POU6F2: variants seen among roughly 807,000 people sequenced by gnomAD.
The protein encoded by POU6F2 is POU class 6 homeobox 2, also known as POU domain, class 6, transcription factor 2.
POU6F2 carries 31 observed loss-of-function variants against 71.3 expected under a neutral mutation model. The ratio of observed to expected loss-of-function variants is 0.43; its 90% CI spans 0.33 to 0.59. The LOEUF is 0.59. Ranked by LOEUF, POU6F2 falls within the 20% of genes least tolerant of loss-of-function variation. POU6F2 has a pLI of 0.04. For synonymous variants in POU6F2, 347 were observed against 355.7 expected, an observed-to-expected ratio of 0.98 and a Z score of 0.27; for missense variants, 783 against 856.8, an observed-to-expected ratio of 0.91 and a Z score of 1.07.
intron 4 of POU6F2, among the ~76,000 whole-genome samples, chr7:39,327,320 A>G (rs1007144241): frequency 4.0e-5 from 6 of 151,462 alleles, no homozygotes; most frequent in Admixed American, 6.6e-5. Flanking sequence ...ATACCCACTT[A>G]ACACATATTT....
At chr7:39,225,631 AGG>A (rs1794447237) in intron 4 of POU6F2, among the ~76,000 whole-genome samples, 1 of 152,212 alleles carries the variant, frequency 6.6e-6, no homozygotes, top group Non-Finnish European at 1.5e-5. Context: ...GTTCCCATGA[AGG>A]GAAAAATTCC....
intron 5 of POU6F2, among the ~76,000 whole-genome samples, chr7:39,365,452 C>A (rs770731236): frequency 3.2e-4 from 48 of 152,100 alleles, no homozygotes; most frequent in Non-Finnish European, 4.6e-4. Context: ...GATAACATTG[C>A]AAAAACCCTT....
intron 6 of POU6F2, among the ~76,000 whole-genome samples, chr7:39,424,737 C>A (rs1787929561): frequency 6.6e-6 from 1 of 151,476 alleles, no homozygotes; most frequent in Non-Finnish European, 1.5e-5. Flanking sequence ...GAGAACATGG[C>A]AAATCTCATA....
intron 2 of POU6F2, among the ~76,000 whole-genome samples, chr7:39,135,668 T>A (rs538060202): frequency 8.2e-4 from 125 of 151,930 alleles, no homozygotes; most frequent in Admixed American, 2.2e-3. Flanking sequence ...ATAAAGAAAA[T>A]AGAAACTAAG....
chr7:39,230,686 C>G (rs1007310459), intron 4 of POU6F2, among the ~76,000 whole-genome samples: 1 of 152,040 alleles, frequency 6.6e-6, no homozygotes, highest in Non-Finnish European at 1.5e-5. Context: ...AAGGGCCCAA[C>G]AGAAATATCA....
chr7:39,218,667 C>T (rs1423651077), intron 4 of POU6F2, among the ~76,000 whole-genome samples: 1 of 152,002 alleles, frequency 6.6e-6, no homozygotes, highest in Non-Finnish European at 1.5e-5. Context: ...TTGCAGGAAT[C>T]CAAGGAGAAG....
chr7:39,044,274 A>C (rs926964206), intron 1 of POU6F2, among the ~76,000 whole-genome samples: 1 of 151,964 alleles, frequency 6.6e-6, no homozygotes, highest in Non-Finnish European at 1.5e-5. Context: ...AAACTAAAAA[A>C]TCCAAGTTTA....
chr7:39,035,406 C>A (rs567943225), intron 1 of POU6F2, among the ~76,000 whole-genome samples: 1 of 151,912 alleles, frequency 6.6e-6, no homozygotes, highest in South Asian at 2.1e-4. Flanking sequence ...AAGGCACTGG[C>A]GTTTTCTGTT....
chr7:39,171,809 G>A (rs935187748), intron 2 of POU6F2, among the ~76,000 whole-genome samples: 2 of 152,160 alleles, frequency 1.3e-5, no homozygotes, highest in African/African-American at 2.4e-5. Context: ...CTTCGGTCTC[G>A]TAACACATCT....
intron 4 of POU6F2, among the ~76,000 whole-genome samples, chr7:39,298,365 A>C (rs1057398662): frequency 2.0e-5 from 3 of 152,258 alleles, no homozygotes; most frequent in African/African-American, 4.8e-5. Context: ...ATGAACAGAC[A>C]CTTCTCAAAA....
At chr7:39,260,169 A>G (rs1399600335) in intron 4 of POU6F2, among the ~76,000 whole-genome samples, 2 of 139,614 alleles carry the variant, frequency 1.4e-5, no homozygotes, top group Admixed American at 7.1e-5. Flanking sequence ...CACCGCACAC[A>G]CTCCATACTG....
chr7:39,443,603 A>G (rs890560872), intron 7 of POU6F2, among the ~76,000 whole-genome samples: 3 of 152,192 alleles, frequency 2.0e-5, no homozygotes, highest in Admixed American at 6.5e-5. Flanking sequence ...AGAACACGCA[A>G]TCAAGCTAAC....
At chr7:39,059,109 C>A (rs909520333) in intron 1 of POU6F2, among the ~76,000 whole-genome samples, 4 of 152,052 alleles carry the variant, frequency 2.6e-5, no homozygotes, top group African/African-American at 9.7e-5. Flanking sequence ...GCTGACAAAA[C>A]AGCATGGAAA....
Position 39,460,535 on chromosome 7 carries a change from A to G in POU6F2, c.1490-12A>G, listed in dbSNP as rs1788920192. 6.2e-7 allele frequency: 1 copy of G among 1,612,694 alleles called. No individual in the cohort carries two copies. The highest frequency in any genetic ancestry group is 8.5e-7 in the Non-Finnish European group (1 of 1,179,318). ...TGACGTATTGATCCTATTTTTAAAA[A>G]CATCTCCACAGATCCTCAAACGGCA... is the stretch of plus-strand genomic sequence containing the variant. On this transcript the variant is annotated splice_polypyrimidine_tract_variant and intron_variant, in intron 8 of 9. Transcript: ENST00000518318. This position sits in a 1 kb window ranked among gnomAD's most constrained non-coding sequence, Gnocchi z 4.4.
At chr7:39,282,389 C>T (rs1001147765) in intron 4 of POU6F2, among the ~76,000 whole-genome samples, 1 of 152,008 alleles carries the variant, frequency 6.6e-6, no homozygotes. Context: ...TGAATCATTT[C>T]CTCTATGTTT....
intron 4 of POU6F2, among the ~76,000 whole-genome samples, chr7:39,290,063 G>C (rs747474344): frequency 3.9e-5 from 6 of 151,952 alleles, no homozygotes; most frequent in Non-Finnish European, 7.4e-5. Flanking sequence ...ACCATCCAAA[G>C]TTAGAAAAAA....
intron 5 of POU6F2, among the ~76,000 whole-genome samples, chr7:39,401,524 T>A (rs1402097052): frequency 6.6e-6 from 1 of 152,198 alleles, no homozygotes. Flanking sequence ...ATTTCTTGAC[T>A]TTTTAAGAGA....
At chr7:39,082,267 CCTGT>C (rs935905642) in intron 1 of POU6F2, among the ~76,000 whole-genome samples, 2 of 152,190 alleles carry the variant, frequency 1.3e-5, no homozygotes, top group African/African-American at 2.4e-5. Flanking sequence ...CCGTGAGTGT[CCTGT>C]ATTGGCACAT....
chr7:39,199,759 G>T (rs901211108), intron 2 of POU6F2, among the ~76,000 whole-genome samples: 1 of 152,182 alleles, frequency 6.6e-6, no homozygotes, highest in African/African-American at 2.4e-5. Context: ...GACCAATGGT[G>T]TTGAGTGAAC....
Sources: allele counts gnomAD v4.1 joint callset (sites outside exome capture counted in the v4.1 genomes callset), GRCh38; gene constraint gnomAD v4.1.1; non-coding constraint Gnocchi (gnomAD v3.1); transcripts MANE v1.5; gene names NCBI Gene and HGNC (gene_info 2026-07-23, HGNC 2026-07-21).